Variants in CADM1 observed in about 807,000 individuals in gnomAD.
CADM1 encodes cell adhesion molecule 1, also known as TSLC-1.
A neutral mutation model predicts 53.1 loss-of-function variants in CADM1; 15 were observed. The ratio of observed to expected loss-of-function variants is 0.28; its 90% confidence interval spans 0.19 to 0.44. The LOEUF (loss-of-function observed/expected upper bound fraction) is 0.44. CADM1 is among the 20% of genes least tolerant of loss of function. The pLI is 1.00. For synonymous variants in CADM1, 281 were observed against 243.0 expected (o/e 1.16, Z -1.45); for missense variants, 434 against 611.3 (o/e 0.71, Z 3.06).
At chr11:115,308,529 C>A (rs961001009) in intron 1 of CADM1, among the ~76,000 whole-genome samples, 1 of 151,926 alleles carries the variant, frequency 6.6e-6, no homozygotes, top group African/African-American at 2.4e-5. Flanking sequence ...CAAAGCTGAT[C>A]TGTGATATGG....
At chr11:115,413,091 C>G (rs1477297591) in intron 1 of CADM1, among the ~76,000 whole-genome samples, 26 of 152,142 alleles carry the variant, frequency 1.7e-4, no homozygotes, top group Admixed American at 1.7e-3. Flanking sequence ...AAAGAAATAT[C>G]TGGTTTATTT....
intron 1 of CADM1, among the ~76,000 whole-genome samples, chr11:115,281,769 T>C (rs1302433820): frequency 6.6e-6 from 1 of 152,186 alleles, no homozygotes. Flanking sequence ...AAAAAAAGCT[T>C]AGTTCCTAAT....
Position 115,250,456 on chromosome 11 carries a change from T to C in CADM1, c.125-10036A>G, listed in dbSNP as rs192650577. 1.5e-3 allele frequency among the ~76,000 whole-genome samples: 228 copies of C among 152,290 alleles called. 2 individuals are homozygous for C. Among genetic ancestry groups the C allele is most frequent in the African/African-American group, 5.4e-3 (223 of 41,546 alleles). On this transcript the variant is annotated intron_variant, in intron 1 of 11. Coordinates refer to ENST00000331581, the MANE Select transcript of CADM1 (RefSeq NM_001301043.2). ...GGTGTTAAAAGATTAACAACTAGTG[T>C]AAGATATTTAAAATCATAAGACTGT...
chr11:115,282,068 CCTTG>C (rs1299025166), intron 1 of CADM1, among the ~76,000 whole-genome samples: 1 of 152,080 alleles, frequency 6.6e-6, no homozygotes, highest in African/African-American at 2.4e-5. Flanking sequence ...CCTTCCAGTT[CCTTG>C]CTTTATTATT....
chr11:115,459,457 G>A (rs530820667), intron 1 of CADM1, among the ~76,000 whole-genome samples: 25 of 152,182 alleles, frequency 1.6e-4, no homozygotes, highest in African/African-American at 5.8e-4. Context: ...ACTCAGACCT[G>A]CCTTTCTCTC....
intron 1 of CADM1, among the ~76,000 whole-genome samples, chr11:115,396,285 G>C (rs1173636263): frequency 6.6e-6 from 1 of 152,128 alleles, no homozygotes; most frequent in Non-Finnish European, 1.5e-5. Context: ...TAAGATAGAA[G>C]AAAGTCCTTT....
intron 1 of CADM1, among the ~76,000 whole-genome samples, chr11:115,395,388 A>C (rs1591775912): frequency 6.6e-6 from 1 of 152,236 alleles, no homozygotes; most frequent in Non-Finnish European, 1.5e-5. Flanking sequence ...GCATTAATCT[A>C]CATCTGCTTT....
chr11:115,441,983 T>C (rs1199462123), intron 1 of CADM1, among the ~76,000 whole-genome samples: 1 of 152,098 alleles, frequency 6.6e-6, no homozygotes, highest in Non-Finnish European at 1.5e-5. Flanking sequence ...CAAAATTCTA[T>C]GATGCATTAC....
chr11:115,288,191 C>T (rs1055566336), intron 1 of CADM1, among the ~76,000 whole-genome samples: 3 of 152,048 alleles, frequency 2.0e-5, no homozygotes, highest in East Asian at 3.9e-4. Context: ...TTGGTGTGTT[C>T]CAGAAACAGC....
chr11:115,350,531 A>T (rs1377462869), intron 1 of CADM1, among the ~76,000 whole-genome samples: 1 of 150,500 alleles, frequency 6.6e-6, no homozygotes, highest in Non-Finnish European at 1.5e-5. Flanking sequence ...TTTAATAAAA[A>T]CCACAACATA....
At chr11:115,331,246 G>C (rs753179668) in intron 1 of CADM1, among the ~76,000 whole-genome samples, 1 of 152,118 alleles carries the variant, frequency 6.6e-6, no homozygotes, top group African/African-American at 2.4e-5. Context: ...ATTCTTGGAA[G>C]TCAGTGGTTC....
chr11:115,498,710 C>G (rs1179181051), intron 1 of CADM1, among the ~76,000 whole-genome samples: 2 of 152,200 alleles, frequency 1.3e-5, no homozygotes, highest in African/African-American at 2.4e-5. Flanking sequence ...CTGCAACAAG[C>G]CTTCATTCTC....
At chr11:115,441,735 G>A (rs558560100) in intron 1 of CADM1, among the ~76,000 whole-genome samples, 3 of 152,054 alleles carry the variant, frequency 2.0e-5, no homozygotes, top group East Asian at 1.9e-4. Context: ...AGCCCCTTCC[G>A]TTATTTTACA....
At chr11:115,236,092 G>A (rs1391389278) in intron 3 of CADM1, among the ~76,000 whole-genome samples, 1 of 152,156 alleles carries the variant, frequency 6.6e-6, no homozygotes, top group African/African-American at 2.4e-5. Context: ...TAATTATGCT[G>A]AAGTTTTTAC....
intron 1 of CADM1, chr11:115,340,017 A>C (rs1394082398): frequency 6.6e-6 from 1 of 152,164 alleles, no homozygotes; most frequent in African/African-American, 2.4e-5. Context: ...CAGCCTACTC[A>C]TCAGGTCCAC....
At chr11:115,221,637 A>G (rs1470123704) in intron 5 of CADM1, among the ~76,000 whole-genome samples, 2 of 152,162 alleles carry the variant, frequency 1.3e-5, no homozygotes, top group African/African-American at 2.4e-5. Context: ...AGAAGATGAA[A>G]CTCAAGATTC....
intron 1 of CADM1, among the ~76,000 whole-genome samples, chr11:115,449,351 C>G (rs1948521411): frequency 6.6e-6 from 1 of 152,202 alleles, no homozygotes; most frequent in Non-Finnish European, 1.5e-5. Flanking sequence ...CACAGATGCT[C>G]TCTGCTCAAC....
intron 8 of CADM1, among the ~76,000 whole-genome samples, chr11:115,206,809 C>CTTTTTTTTT (rs1940721294): frequency 2.6e-5 from 1 of 39,186 alleles, no homozygotes. Context: ...CTTTATGTTA[C>CTTTTTTTTT]TGTCACCGAA....
Position 115,237,666 on chromosome 11 carries a change from A to G in CADM1, c.424+834T>C, listed in dbSNP as rs12270127. 5.0e-3 allele frequency among the ~76,000 whole-genome samples: 767 copies of G among 152,088 alleles called. 6 individuals are homozygous for G. Among genetic ancestry groups the G allele is most frequent in the African/African-American group, 0.018 (733 of 41,358 alleles). On this transcript the variant is annotated intron_variant, in intron 3 of 11. Coordinates refer to ENST00000331581, the MANE Select transcript of CADM1 (RefSeq NM_001301043.2). Reference sequence around the variant, plus strand: ...TAAATCAGAGATCTTGCCTCATGCTATAGTGTATGTCCTTGAAAATTCAGT... The same window carrying G: ...TAAATCAGAGATCTTGCCTCATGCTGTAGTGTATGTCCTTGAAAATTCAGT...
Sources: gnomAD v4.1 joint callset for allele counts (sites outside exome capture counted in the v4.1 genomes callset) on GRCh38, gnomAD v4.1.1 for gene constraint, MANE v1.5 for transcripts, NCBI Gene and HGNC (gene_info 2026-07-23, HGNC 2026-07-21) for gene names.